Variants in PKP1 observed in about 807,000 individuals in gnomAD.
The protein encoded by PKP1 is plakophilin-1.
Under a neutral mutation model 76.4 loss-of-function variants are expected in PKP1, and 27 were observed. The observed-to-expected ratio is 0.35, with a 90% confidence interval of 0.26 to 0.49. PKP1 has a LOEUF of 0.49. Among genes scored for constraint, PKP1 ranks in the 20% least tolerant of loss-of-function variants. The probability of loss-of-function intolerance (pLI) is 0.99; values close to 1 mark genes in which losing one functional copy is unlikely to be tolerated. For synonymous variants in PKP1, 404 were observed against 384.2 expected, an observed-to-expected ratio of 1.05 and a Z score of -0.60; for missense variants, 964 against 955.2, an observed-to-expected ratio of 1.01 and a Z score of -0.12.
intron 3 of PKP1, 139 bp from the exon 4 acceptor site, chr1:201,316,414 T>A: frequency 2.5e-6 from 2 of 795,436 alleles, no homozygotes; most frequent in Non-Finnish European, 4.1e-6. Context: ...ATTCTCCAAG[T>A]GGGCCTGGGC....
Position 201,317,625 on chromosome 1 carries a change from C to A in PKP1, c.900C>A (p.Asn300Lys). 1.9e-6 allele frequency: 3 copies of A among 1,614,076 alleles called. No individual in the cohort carries two copies. In the East Asian group the frequency reaches 6.7e-5, roughly 36 times the overall value. Residue 300 changes from asparagine (N) to lysine (K), a missense_variant, in exon 5 of 14, where the codon AAC becomes AAA. Asn to Lys is a moderately conservative substitution (Grantham distance 94, BLOSUM62 0). Coordinates refer to ENST00000367324, the MANE Select transcript of PKP1 (RefSeq NM_001005337.3). ...TGGTGGACCTCCTCCGCAGCCCCAA[C>A]CAGAACGTCCAGCAGGCCGCGGCAG... ...CKLVDLLRSP[N>K]QNVQQAAAGA...
At chr1:201,306,344 G>T (rs538187161) in intron 2 of PKP1, among the ~76,000 whole-genome samples, 4 of 152,340 alleles carry the variant, frequency 2.6e-5, no homozygotes, top group Non-Finnish European at 1.5e-5. Context: ...AGTGCGTGTT[G>T]TCCCCACACC....
rs536458815 is a variant in PKP1 at position 201,313,205 on chromosome 1, C to G, written c.346C>G (p.Arg116Gly). 3 of 1,606,344 alleles carry G rather than the reference C, an allele frequency of 1.9e-6. No homozygotes were observed. Among genetic ancestry groups the G allele is most frequent in the Admixed American group, 3.4e-5 (2 of 59,150 alleles). The stretch of plus-strand genomic sequence containing the variant: ...CCTCAAGCGGGAGCCTGACAACAGG[C>G]GCTTCAGCTCCTACAGCCAGATGGA... ...GTLKREPDNR[R>G]FSSYSQMENW... Residue 116 changes from arginine to glycine, a missense_variant, in exon 3 of 14, where the codon CGC becomes GGC. Arg to Gly is a moderately radical substitution (Grantham distance 125). Coordinates refer to ENST00000367324, the MANE Select transcript of PKP1 (RefSeq NM_001005337.3).
chr1:201,285,301 C>A (rs1022742315), intron 1 of PKP1, among the ~76,000 whole-genome samples: 1 of 151,886 alleles, frequency 6.6e-6, no homozygotes, highest in Non-Finnish European at 1.5e-5. Flanking sequence ...TCTGTCCCCC[C>A]ACCTACTCCC....
At chr1:201,291,892 G>A (rs886960611) in intron 1 of PKP1, among the ~76,000 whole-genome samples, 1 of 152,236 alleles carries the variant, frequency 6.6e-6, no homozygotes, top group African/African-American at 2.4e-5. Flanking sequence ...AGTCCTGAGT[G>A]ACTGAGCCCA....
At chr1:201,299,372 C>G (rs139697632) in intron 2 of PKP1, among the ~76,000 whole-genome samples, 1 of 152,330 alleles carries the variant, frequency 6.6e-6, no homozygotes, top group African/African-American at 2.4e-5. Flanking sequence ...CATACCAGAT[C>G]AGCAGTGGGA....
Position 201,325,146 on chromosome 1 carries a change from C to T in PKP1, c.2021+19C>T, listed in dbSNP as rs1012685399. ...GAAGCAGGTGGGCGGGGGGTTGCTC[C>T]CACGGGCTGCACCCCAATCAGAGCC... On this transcript the variant is annotated intron_variant, in intron 11 of 13. Coordinates refer to ENST00000367324, the MANE Select transcript of PKP1 (RefSeq NM_001005337.3). 5 of 1,611,636 alleles carry T rather than the reference C, an allele frequency of 3.1e-6. No homozygotes were observed. In the Admixed American group the frequency reaches 8.3e-5, roughly 27 times the overall value.
chr1:201,293,223 G>T (rs1326412124), intron 1 of PKP1, among the ~76,000 whole-genome samples: 1 of 152,068 alleles, frequency 6.6e-6, no homozygotes, highest in Non-Finnish European at 1.5e-5. Context: ...GATGAGGGGG[G>T]TGGCCCCACT....
intron 1 of PKP1, among the ~76,000 whole-genome samples, chr1:201,293,600 C>T (rs898299242): frequency 4.6e-5 from 7 of 152,252 alleles, no homozygotes; most frequent in Admixed American, 3.3e-4. Context: ...GTGATGATTC[C>T]CTGGGCTGGA....
Position 201,313,349 on chromosome 1 carries a change from C to A in PKP1, c.490C>A (p.Arg164=). ...TGAGCCCGACCTCTACTGTGACCCA[C>A]GGGGCACCCTGCGCAAGGGCACGCT... ...RSEPDLYCDP[R]GTLRKGTLGS... Residue 164 remains arginine (R), a synonymous_variant, in exon 3 of 14, where the codon CGG becomes AGG. Transcript: ENST00000367324. 1.3e-6 allele frequency: 2 copies of A among 1,586,734 alleles called. No individual in the cohort carries two copies. Among genetic ancestry groups the A allele is most frequent in the Non-Finnish European group, 1.7e-6 (2 of 1,166,252 alleles).
intron 1 of PKP1, among the ~76,000 whole-genome samples, chr1:201,285,042 T>C (rs1038730554): frequency 1.3e-5 from 2 of 152,038 alleles, no homozygotes; most frequent in African/African-American, 4.8e-5. Context: ...ATTCCACTTG[T>C]TTATTTATTT....
rs1657369049 is a variant in PKP1, at chr1:201,332,675, G to A, written c.*2634G>A. ...TCATTGGCCACCAGCCACCTCTGCA[G>A]TGGGGACCACACTAGCAGCCCTGAC... On this transcript the variant is annotated 3_prime_UTR_variant, in exon 14 of 14. Coordinates refer to ENST00000367324, the MANE Select transcript of PKP1 (RefSeq NM_001005337.3). 6.6e-6 allele frequency: 1 copy of A among 152,292 alleles called. No homozygotes were observed. The highest frequency in any genetic ancestry group is 6.5e-5 in the Admixed American group (1 of 15,292). 9.4% of individuals were successfully genotyped at this position (152,292 alleles called of 1,614,324 possible). A position where few individuals can be genotyped will look rare whatever the true frequency, so the allele number is the denominator to read the frequency against.
chr1:201,305,643 C>T (rs779245285), intron 2 of PKP1, among the ~76,000 whole-genome samples: 1 of 152,190 alleles, frequency 6.6e-6, no homozygotes, highest in Non-Finnish European at 1.5e-5. Flanking sequence ...CTTTGGCCCT[C>T]CTCTTCCCAG....
At chr1:201,310,144 C>G (rs1656499770) in intron 2 of PKP1, among the ~76,000 whole-genome samples, 1 of 152,180 alleles carries the variant, frequency 6.6e-6, no homozygotes. Flanking sequence ...TAAAATCTCT[C>G]CTTTAGGAGC....
chr1:201,310,316 T>C (rs1258104309), intron 2 of PKP1, among the ~76,000 whole-genome samples: 1 of 152,204 alleles, frequency 6.6e-6, no homozygotes, highest in Admixed American at 6.5e-5. Flanking sequence ...TTATACTAGT[T>C]TTACAGATGG....
chr1:201,298,356 A>G (rs1656131924), intron 2 of PKP1, among the ~76,000 whole-genome samples: 1 of 152,182 alleles, frequency 6.6e-6, no homozygotes, highest in Non-Finnish European at 1.5e-5. Flanking sequence ...CGTGTGGACA[A>G]TTTTGATTTC....
At chr1:201,287,010 G>A (rs960931791) in intron 1 of PKP1, among the ~76,000 whole-genome samples, 1 of 152,184 alleles carries the variant, frequency 6.6e-6, no homozygotes, top group African/African-American at 2.4e-5. Context: ...CTCAGTGAAA[G>A]GAGCTTCCTT....
chr1:201,322,269 G>GA, intron 8 of PKP1, 136 bp downstream of exon 8: 2 of 915,380 alleles, frequency 2.2e-6, no homozygotes, highest in Non-Finnish European at 1.6e-6. Flanking sequence ...CTGACACCTT[G>GA]GCCTGGGGCT....
intron 12 of PKP1, among the ~76,000 whole-genome samples, chr1:201,327,729 T>C (rs905654258): frequency 2.6e-5 from 4 of 151,906 alleles, no homozygotes; most frequent in Non-Finnish European, 4.4e-5. Flanking sequence ...TCCTTCCAGC[T>C]ATGCTTGACA....
Sources: gnomAD v4.1 joint callset for allele counts (sites outside exome capture counted in the v4.1 genomes callset) on GRCh38, gnomAD v4.1.1 for gene constraint, MANE v1.5 for transcripts, NCBI Gene and HGNC (gene_info 2026-07-23, HGNC 2026-07-21) for gene names.